SETDB2: variants seen among roughly 807,000 people sequenced by gnomAD.
The protein encoded by SETDB2 is histone-lysine N-methyltransferase SETDB2.
Under a neutral mutation model 82.5 loss-of-function variants are expected in SETDB2, and 56 were observed. That is an observed-to-expected ratio of 0.68 (90% CI 0.55 to 0.85). The LOEUF is 0.85. Ranked by LOEUF, SETDB2 falls within the 40% of genes least tolerant of loss-of-function variation. SETDB2 has a pLI of 0.00. For synonymous variants in SETDB2, 272 were observed against 284.9 expected (o/e 0.95, Z 0.46); for missense variants, 677 against 816.4 (o/e 0.83, Z 2.08).
chr13:49,489,587 A>T (rs1958662687), intron 12 of SETDB2, among the ~76,000 whole-genome samples: 1 of 126,804 alleles, frequency 7.9e-6, no homozygotes, highest in African/African-American at 3.1e-5. Context: ...GTAGGTCATC[A>T]TATTTATTCT....
At chr13:49,447,546 A>G (rs1010485468) in intron 1 of SETDB2, among the ~76,000 whole-genome samples, 9 of 152,112 alleles carry the variant, frequency 5.9e-5, no homozygotes, top group Non-Finnish European at 1.0e-4. Context: ...TCAGAATAAG[A>G]AAGTTCTCTT....
chr13:49,453,748 G>A (rs1236918771), intron 2 of SETDB2, among the ~76,000 whole-genome samples: 3 of 152,086 alleles, frequency 2.0e-5, no homozygotes, highest in Admixed American at 1.3e-4. Flanking sequence ...GCCATTTCTT[G>A]AATAACCTGT....
In SETDB2 at chr13:49,491,766, T is replaced by G. The variant is rs1180940665; in HGVS notation, c.2041T>G (p.Tyr681Asp). ...AGCAAGAACAGAGCTAACATGGGAT[T>G]ATGGCTATGAAGCTGGGACTGTGCC... ...VKARTELTWDYGYEAGTVPEK... is the reference protein window; with the variant it reads ...VKARTELTWDDGYEAGTVPEK... The change falls in exon 14 of 14, where the codon TAT becomes GAT. Residue 681 changes from tyrosine (Y) to aspartate (D), a missense_variant. Around this residue, in one of 3 missense-constraint regions of SETDB2, gnomAD observed 420 missense variants for 554.6 expected, o/e 0.76. Coordinates refer to ENST00000611815, the MANE Select transcript of SETDB2 (RefSeq NM_001160308.3). The G allele has an allele frequency of 6.2e-7, 1 of 1,612,976 alleles. No individual in the cohort carries two copies. The highest frequency in any genetic ancestry group is 1.1e-5 in the South Asian group (1 of 90,860).
chr13:49,491,671 T>A (rs1431229766), intron 13 of SETDB2, 61 bp from the exon 14 acceptor site: 24 of 1,103,482 alleles, frequency 2.2e-5, no homozygotes, highest in Non-Finnish European at 3.2e-5. Flanking sequence ...ATTGATATAA[T>A]TTGGTTCATT....
chr13:49,465,288 T>C (rs1958081540), intron 4 of SETDB2, among the ~76,000 whole-genome samples: 1 of 152,194 alleles, frequency 6.6e-6, no homozygotes, highest in African/African-American at 2.4e-5. Flanking sequence ...GGATAGTGTT[T>C]TCTTGAGAGA....
intron 4 of SETDB2, among the ~76,000 whole-genome samples, chr13:49,462,745 A>C (rs1387833855): frequency 1.1e-4 from 16 of 152,220 alleles, no homozygotes; most frequent in Non-Finnish European, 1.8e-4. Flanking sequence ...AAGGCTTTTA[A>C]ATCTCTGAAA....
Position 49,488,396 on chromosome 13 carries a change from A to T in SETDB2, c.1683A>T (p.Arg561Ser), listed in dbSNP as rs1327587063. 1 of 1,614,062 alleles carries T rather than the reference A, an allele frequency of 6.2e-7. No individual in the cohort carries two copies. Among genetic ancestry groups the T allele is most frequent in the South Asian group, 1.1e-5 (1 of 91,050 alleles). The change falls in exon 12 of 14, where the codon AGA becomes AGT. Residue 561 changes from arginine to serine, a missense_variant. Arg to Ser is a moderately radical substitution (Grantham distance 110). Around this residue, in one of 3 missense-constraint regions of SETDB2, gnomAD observed 420 missense variants for 554.6 expected, o/e 0.76. Transcript: ENST00000611815. ...KYREETPPRS[R>S]CNQATTLDNQ... ...GAGAAGAAACTCCACCAAGGAGCAGATGTAACCAGGCGACCACATTGGATA... is the reference window on the plus strand; with the variant it reads ...GAGAAGAAACTCCACCAAGGAGCAGTTGTAACCAGGCGACCACATTGGATA...
chr13:49,490,239 C>A (rs1958684218), intron 12 of SETDB2, among the ~76,000 whole-genome samples: 1 of 136,772 alleles, frequency 7.3e-6, no homozygotes, highest in Admixed American at 8.1e-5. Context: ...AGGATCATGC[C>A]ACTGCACTCC....
intron 1 of SETDB2, chr13:49,446,058 CT>C (rs1189530169): frequency 4.2e-6 from 1 of 238,918 alleles, no homozygotes; most frequent in Admixed American, 5.3e-5. Context: ...GACCTCATGT[CT>C]AAAAAAAAAT....
intron 4 of SETDB2, 125 bp downstream of exon 4, chr13:49,461,287 A>G (rs1957987361): frequency 1.6e-6 from 1 of 636,608 alleles, no homozygotes. Flanking sequence ...CCACATTTCT[A>G]AGTTACATAA....
At position 49,478,786 on chromosome 13, in the gene SETDB2, C is replaced by T. The variant is rs754341226; in HGVS notation, c.870-1433C>T. ...TACAAAAATACAAAAGTTAGCGTGGCGTGGTGGGACGCCCTTGTAGTCCCA... is the reference window on the plus strand; with the variant it reads ...TACAAAAATACAAAAGTTAGCGTGGTGTGGTGGGACGCCCTTGTAGTCCCA... On this transcript the variant is annotated intron_variant, in intron 6 of 13. Transcript: ENST00000611815. Among the ~76,000 whole-genome samples, 13 of 151,904 alleles carry T rather than the reference C, an allele frequency of 8.6e-5. No individual in the cohort carries two copies. The East Asian group carries it at 1.2e-3, about 14-fold the overall frequency.
In SETDB2 at chr13:49,492,052, C is replaced by T. The variant is rs1958723477; in HGVS notation, c.*203C>T. 5 of 564,216 alleles carry T rather than the reference C, an allele frequency of 8.9e-6. No individual in the cohort carries two copies. The highest frequency in any genetic ancestry group is 7.7e-5 in the Admixed American group (3 of 39,028). 35.0% of individuals were successfully genotyped at this position (564,216 alleles called of 1,614,324 possible). A position where few individuals can be genotyped will look rare whatever the true frequency, so the allele number is the denominator to read the frequency against. ...TTTCATACACATAGGGTATCTTGTTCACTGCTGTGCTACTTTACATGAGTA... is the reference window on the plus strand; with the variant it reads ...TTTCATACACATAGGGTATCTTGTTTACTGCTGTGCTACTTTACATGAGTA... On this transcript the variant is annotated 3_prime_UTR_variant, in exon 14 of 14. Coordinates refer to ENST00000611815, the MANE Select transcript of SETDB2 (RefSeq NM_001160308.3).
chr13:49,452,866 A>G (rs1243118535), intron 2 of SETDB2, among the ~76,000 whole-genome samples: 1 of 152,174 alleles, frequency 6.6e-6, no homozygotes. Flanking sequence ...TCATCACATC[A>G]TATCAAGGGT....
intron 6 of SETDB2, among the ~76,000 whole-genome samples, chr13:49,478,248 T>C (rs1958409778): frequency 6.6e-6 from 1 of 152,228 alleles, no homozygotes; most frequent in African/African-American, 2.4e-5. Flanking sequence ...ATGTATTTTA[T>C]TTTGTAAAGA....
Position 49,476,570 on chromosome 13 carries a change from G to A in SETDB2, c.400G>A (p.Asp134Asn), listed in dbSNP as rs773304501. 22 of 1,614,014 alleles carry A rather than the reference G, an allele frequency of 1.4e-5. 1 individual carries two copies. In the South Asian group the frequency reaches 1.9e-4, roughly 14 times the overall value. ...SSSNLSYQSHDCSGACLMKMP... is the reference protein window; with the variant it reads ...SSSNLSYQSHNCSGACLMKMP... Reference sequence around the variant, plus strand: ...TTCGAATTTATCTTACCAAAGTCATGACTGCTCTGGTGCTTGTCTGATGAA... The same window carrying A: ...TTCGAATTTATCTTACCAAAGTCATAACTGCTCTGGTGCTTGTCTGATGAA... Residue 134 changes from aspartate (D) to asparagine (N), a missense_variant, in exon 6 of 14, where the codon GAC becomes AAC. Physicochemically the swap from Asp to Asn is conservative, Grantham distance 23. Transcript: ENST00000611815.
chr13:49,448,707 C>T lies in SETDB2; in HGVS notation c.-341-2846C>T, dbSNP rs75589298. 2.3e-3 allele frequency among the ~76,000 whole-genome samples: 343 copies of T among 152,200 alleles called. 2 individuals carry two copies. In the East Asian group the frequency reaches 0.027, roughly 12 times the overall value. ...TAGTTTTTGTAAATTTCATGCTTTT[C>T]CTCCCACAAGAAGTATTTTCTGTTG... On this transcript the variant is annotated intron_variant, in intron 1 of 13. Coordinates refer to ENST00000611815, the MANE Select transcript of SETDB2 (RefSeq NM_001160308.3).
chr13:49,459,592 C>T (rs1325344481), intron 2 of SETDB2, among the ~76,000 whole-genome samples: 1 of 152,130 alleles, frequency 6.6e-6, no homozygotes, highest in Non-Finnish European at 1.5e-5. Flanking sequence ...TATTAGCTTA[C>T]TGGGCATCAG....
intron 5 of SETDB2, among the ~76,000 whole-genome samples, chr13:49,475,565 T>C (rs1384773170): frequency 6.6e-6 from 1 of 151,972 alleles, no homozygotes; most frequent in Non-Finnish European, 1.5e-5. Context: ...TGATTCACTG[T>C]AGCCTCAACC....
chr13:49,470,573 C>T (rs1346834485), intron 5 of SETDB2, among the ~76,000 whole-genome samples: 2 of 152,150 alleles, frequency 1.3e-5, no homozygotes, highest in Non-Finnish European at 1.5e-5. Flanking sequence ...TTAGGCTGAG[C>T]ATGGTGGCTC....
Sources: gnomAD v4.1 joint callset for allele counts (sites outside exome capture counted in the v4.1 genomes callset) on GRCh38, gnomAD v4.1.1 for gene constraint, gnomAD v4.1.1 regional missense constraint, MANE v1.5 for transcripts, NCBI Gene and HGNC (gene_info 2026-07-23, HGNC 2026-07-21) for gene names.